Variants in NDC1 observed in about 807,000 individuals in gnomAD.
NDC1 encodes NDC1 transmembrane nucleoporin, also known as nucleoporin NDC1.
In NDC1, 24 loss-of-function variants were observed where a neutral mutation model predicts 89.8. That is an observed-to-expected ratio of 0.27 (90% confidence interval 0.19 to 0.38). NDC1 has a LOEUF of 0.38. Among genes scored for constraint, NDC1 ranks in the 10% least tolerant of loss-of-function variants. The pLI, the probability that NDC1 is intolerant of heterozygous loss-of-function variation, is 1.00. For synonymous variants in NDC1, 296 were observed against 284.8 expected (o/e 1.04, Z -0.39); for missense variants, 728 against 797.6 (o/e 0.91, Z 1.05).
intron 11 of NDC1, among the ~76,000 whole-genome samples, chr1:53,797,384 C>A (rs922634481): frequency 3.9e-5 from 6 of 152,134 alleles, no homozygotes; most frequent in Admixed American, 2.6e-4. Context: ...TTTCCCCCCC[C>A]ATGAATATCT....
chr1:53,819,027 C>T lies in NDC1; in HGVS notation c.647G>A (p.Ser216Asn), dbSNP rs1293453273. ...RRSLLLLVKH[S>N]CVESLFLVRN... ...AACCAGGAACAGTGATTCCACACAA[C>T]TGTGTTTAACTAATAAGAGCAGAGA... Residue 216 changes from serine to asparagine, a missense_variant, in exon 6 of 18, where the codon AGT (serine) becomes AAT (asparagine). Physicochemically the swap from Ser to Asn is conservative, Grantham distance 46. Coordinates refer to ENST00000371429, the MANE Select transcript of NDC1 (RefSeq NM_018087.5). The T allele has an allele frequency of 1.9e-6, 3 of 1,580,948 alleles. No homozygotes were observed. In the South Asian group the frequency reaches 3.6e-5, roughly 19 times the overall value.
At chr1:53,807,569 C>A in intron 8 of NDC1, 87 bp downstream of exon 8, 2 of 1,115,358 alleles carry the variant, frequency 1.8e-6, no homozygotes, top group Non-Finnish European at 2.5e-6. Flanking sequence ...AATGGTTTTG[C>A]GTGTGCTGAT....
chr1:53,819,553 A>G (rs1648592698), intron 5 of NDC1, among the ~76,000 whole-genome samples: 2 of 152,274 alleles, frequency 1.3e-5, no homozygotes, highest in Non-Finnish European at 2.9e-5. Context: ...AACCAATGTT[A>G]TCAACCAGCA....
intron 6 of NDC1, among the ~76,000 whole-genome samples, chr1:53,810,232 A>T (rs1308821651): frequency 6.6e-6 from 1 of 152,190 alleles, no homozygotes; most frequent in Admixed American, 6.5e-5. Context: ...CAATAAATCC[A>T]AATGATACTT....
chr1:53,832,545 C>G lies in NDC1; in HGVS notation c.225G>C (p.Leu75=). The G allele has an allele frequency of 6.2e-7, 1 of 1,602,222 alleles. No homozygotes were observed. Among genetic ancestry groups the G allele is most frequent in the Non-Finnish European group, 8.6e-7 (1 of 1,169,408 alleles). ...TTATTATTATTACCACTGACAGCAG[C>G]AGGAAGTAAAAGATTACATAGGAAC... ...LYSSYVIFYF[L]LLSVVIIIIS... is the part of the protein sequence containing the mutation. The change falls in exon 3 of 18, where the codon CTG becomes CTC. Residue 75 remains leucine, a synonymous_variant. Coordinates refer to ENST00000371429, the MANE Select transcript of NDC1 (RefSeq NM_018087.5).
At chr1:53,838,137 C>A in intron 1 of NDC1, 68 bp downstream of exon 1, 2 of 1,447,658 alleles carry the variant, frequency 1.4e-6, no homozygotes, top group Non-Finnish European at 1.9e-6. Context: ...CCAGCGCGCA[C>A]GCGCGATCAG....
chr1:53,785,901 T>TTTTATTCA (rs1553147255), intron 16 of NDC1, among the ~76,000 whole-genome samples: 1 of 151,494 alleles, frequency 6.6e-6, no homozygotes, highest in Middle Eastern at 3.4e-3. Context: ...CAGATGCTAT[T>TTTTATTCA]TTTATTCATT....
chr1:53,769,680 G>A (rs545331755), intron 17 of NDC1, among the ~76,000 whole-genome samples: 5 of 152,314 alleles, frequency 3.3e-5, no homozygotes, highest in African/African-American at 1.2e-4. Flanking sequence ...TGAATAATCA[G>A]ATATTATACA....
At chr1:53,832,883 C>T (rs1649110658) in intron 2 of NDC1, among the ~76,000 whole-genome samples, 1 of 151,958 alleles carries the variant, frequency 6.6e-6, no homozygotes, top group African/African-American at 2.4e-5. Context: ...TGGTGGTGCA[C>T]ACCTGCAGTC....
intron 17 of NDC1, among the ~76,000 whole-genome samples, chr1:53,770,108 A>G (rs1647099386): frequency 6.6e-6 from 1 of 152,200 alleles, no homozygotes; most frequent in African/African-American, 2.4e-5. Flanking sequence ...TGATTTTATC[A>G]GCTTTGGCAC....
intron 6 of NDC1, among the ~76,000 whole-genome samples, chr1:53,818,162 C>T (rs759190413): frequency 1.1e-4 from 17 of 152,068 alleles, no homozygotes; most frequent in Non-Finnish European, 1.9e-4. Flanking sequence ...TTAGGCCGGG[C>T]GTGGTGGCTC....
chr1:53,797,281 TTA>T, intron 11 of NDC1, 137 bp from the exon 12 acceptor site: 1 of 799,824 alleles, frequency 1.3e-6, no homozygotes, highest in Non-Finnish European at 2.0e-6. Context: ...CCATTTATGA[TTA>T]TAGTCTCAAG....
At chr1:53,775,402 G>A (rs181692595) in intron 16 of NDC1, among the ~76,000 whole-genome samples, 9 of 151,754 alleles carry the variant, frequency 5.9e-5, no homozygotes, top group Admixed American at 3.9e-4. Context: ...GATTACAGGC[G>A]CCCGCAACCA....
At chr1:53,806,721 A>C (rs1246602054) in intron 8 of NDC1, among the ~76,000 whole-genome samples, 1 of 152,170 alleles carries the variant, frequency 6.6e-6, no homozygotes, top group African/African-American at 2.4e-5. Context: ...TCTGTCTCTG[A>C]ATAATAAAAA....
intron 16 of NDC1, among the ~76,000 whole-genome samples, chr1:53,779,396 G>GT (rs1647186783): frequency 4.0e-5 from 6 of 151,798 alleles, no homozygotes; most frequent in Admixed American, 3.9e-4. Context: ...CTGAAATGAA[G>GT]GTATATGTTC....
intron 6 of NDC1, among the ~76,000 whole-genome samples, chr1:53,818,491 C>T (rs1648552982): frequency 6.6e-6 from 1 of 151,938 alleles, no homozygotes; most frequent in Non-Finnish European, 1.5e-5. Flanking sequence ...GTAGTGTTAA[C>T]TATATGCACA....
rs997543992 is a variant in NDC1, at chr1:53,804,672, TCA to T, written c.985-665_985-664del. The stretch of plus-strand genomic sequence containing the variant: ...CTGTATTTTTAGTAGAGATGGGGTT[TCA>T]CCATGTTGGCCAGGTTGTTCTCAAA... On this transcript the variant is annotated intron_variant, in intron 9 of 17. Coordinates refer to ENST00000371429, the MANE Select transcript of NDC1 (RefSeq NM_018087.5). 5.9e-5 allele frequency among the ~76,000 whole-genome samples: 9 copies of T among 152,316 alleles called. 1 individual carries two copies. Among genetic ancestry groups the T allele is most frequent in the African/African-American group, 1.9e-4 (8 of 41,576 alleles).
chr1:53,826,491 C>T (rs747239740), intron 4 of NDC1, among the ~76,000 whole-genome samples: 21 of 152,126 alleles, frequency 1.4e-4, no homozygotes, highest in Admixed American at 3.3e-4. Context: ...TGGGACTTAT[C>T]ATCTGTTTGA....
In NDC1 at chr1:53,804,020, GA is replaced by G. The variant is rs376809652; in HGVS notation, c.985-12del. 1.1e-5 allele frequency: 17 copies of G among 1,592,320 alleles called. No homozygotes were observed. Among genetic ancestry groups the G allele is most frequent in the East Asian group, 2.2e-5 (1 of 44,708 alleles). On this transcript the variant is annotated splice_polypyrimidine_tract_variant and intron_variant, in intron 9 of 17. Coordinates refer to ENST00000371429, the MANE Select transcript of NDC1 (RefSeq NM_018087.5). ...CTGCAAGGCTAAATACTAACAGGGGGAAAAAACACATATTATTTAATTTTTT... is the reference window on the plus strand; with the variant it reads ...CTGCAAGGCTAAATACTAACAGGGGGAAAAACACATATTATTTAATTTTTT...
Sources: gnomAD v4.1 joint callset for allele counts (sites outside exome capture counted in the v4.1 genomes callset) on GRCh38, gnomAD v4.1.1 for gene constraint, MANE v1.5 for transcripts, NCBI Gene and HGNC (gene_info 2026-07-23, HGNC 2026-07-21) for gene names.